The following KCNMA1 variants were observed in gnomAD, a reference collection of about 807,000 sequenced individuals.
KCNMA1 encodes the protein potassium calcium-activated channel subfamily M alpha 1, also known as Calcium-activated potassium channel subunit alpha-1.
In KCNMA1, 29 loss-of-function variants were observed where a neutral mutation model predicts 140.0. That is an observed-to-expected ratio of 0.21 (90% CI 0.15 to 0.28). The LOEUF (loss-of-function observed/expected upper bound fraction) is 0.28, where lower values mean the gene tolerates loss of function less well. Ranked by LOEUF, KCNMA1 falls within the 10% of genes least tolerant of loss-of-function variation. The probability of loss-of-function intolerance (pLI) is 1.00; values close to 1 mark genes in which losing one functional copy is unlikely to be tolerated. For synonymous variants in KCNMA1, 612 were observed against 611.9 expected (o/e 1.00, Z 0.00); for missense variants, 880 against 1,602.2 (o/e 0.55, Z 7.70).
At chr10:77,172,349 T>G (rs1015712148) in intron 5 of KCNMA1, among the ~76,000 whole-genome samples, 22 of 152,140 alleles carry the variant, frequency 1.4e-4, no homozygotes, top group Admixed American at 1.0e-3. Context: ...CAATTTGGCA[T>G]ATAACAGAGC....
In KCNMA1 at chr10:76,969,969, C is replaced by T. The variant is rs773209823; in HGVS notation, c.2360+5G>A. 6.2e-7 allele frequency: 1 copy of T among 1,611,214 alleles called. No homozygotes were observed. Among genetic ancestry groups the T allele is most frequent in the Non-Finnish European group, 8.5e-7 (1 of 1,177,506 alleles). On this transcript the variant is annotated splice_donor_5th_base_variant and intron_variant, in intron 20 of 27. Coordinates refer to ENST00000286628, the MANE Select transcript of KCNMA1 (RefSeq NM_001161352.2). ...AAACCGTGGGCAACCAGCCCCTCTC[C>T]TTACCTCATCAGCTTAGGCGAGGTG...
At chr10:77,491,725 ACACACACACACAC>A in intron 1 of KCNMA1, among the ~76,000 whole-genome samples, 1 of 121,282 alleles carries the variant, frequency 8.2e-6, no homozygotes, top group African/African-American at 3.6e-5. Context: ...ACACACACAC[ACACACACACACAC>A]ACACACACAC....
At chr10:77,601,696 T>G (rs367631328) in intron 1 of KCNMA1, among the ~76,000 whole-genome samples, 14 of 152,258 alleles carry the variant, frequency 9.2e-5, no homozygotes, top group Middle Eastern at 3.4e-3. Flanking sequence ...CTGAGGTCAT[T>G]ACCATGGTGT....
At chr10:77,360,350 G>A (rs772427274) in intron 2 of KCNMA1, among the ~76,000 whole-genome samples, 21 of 152,220 alleles carry the variant, frequency 1.4e-4, no homozygotes, top group Non-Finnish European at 2.2e-4. Flanking sequence ...GTCATCACAG[G>A]CAGGGATGAC....
chr10:76,958,448 G>A (rs1033444057), intron 20 of KCNMA1, among the ~76,000 whole-genome samples: 1 of 152,210 alleles, frequency 6.6e-6, no homozygotes, highest in Non-Finnish European at 1.5e-5. Context: ...ACTCTATGAT[G>A]TGAGATATAT....
At chr10:77,341,657 A>G (rs1482026233) in intron 2 of KCNMA1, among the ~76,000 whole-genome samples, 1 of 152,200 alleles carries the variant, frequency 6.6e-6, no homozygotes, top group Non-Finnish European at 1.5e-5. Context: ...GTCTCCTGCC[A>G]GGAAAAGTTG....
At chr10:76,932,798 C>T (rs181567706) in intron 23 of KCNMA1, among the ~76,000 whole-genome samples, 4 of 152,308 alleles carry the variant, frequency 2.6e-5, no homozygotes, top group Non-Finnish European at 4.4e-5. Context: ...TTCCAAGTTC[C>T]TCCTGCTCCA....
chr10:77,357,561 A>T (rs889210376), intron 2 of KCNMA1, among the ~76,000 whole-genome samples: 4 of 152,238 alleles, frequency 2.6e-5, no homozygotes, highest in African/African-American at 9.6e-5. Flanking sequence ...ATAAAGAACA[A>T]TTTTTAAAGC....
intron 2 of KCNMA1, among the ~76,000 whole-genome samples, chr10:77,392,805 C>T (rs772310341): frequency 3.9e-5 from 6 of 152,206 alleles, no homozygotes; most frequent in Non-Finnish European, 5.9e-5. Flanking sequence ...AAACCCACCT[C>T]CCCAAATACT....
In KCNMA1 at chr10:77,324,969, C is replaced by CTG. The variant is rs1210515124; in HGVS notation, c.541-73714_541-73713insCA. On this transcript the variant is annotated intron_variant, in intron 2 of 27. Transcript: ENST00000286628. ...TCTCTCTCTCTCTCTCTCTCTCTCT[C>CTG]TCTGTGTGTGTGTGTGTGTGTGTGT... Among the ~76,000 whole-genome samples the CTG allele has an allele frequency of 7.8e-3, 737 of 95,064 alleles. 7 individuals are homozygous for CTG. The highest frequency in any genetic ancestry group is 0.055 in the East Asian group (202 of 3,676). The allele number at this position is 95,064 out of a possible 152,430, so 62.4% of individuals were successfully genotyped here.
chr10:76,981,237 C>T (rs774864176), intron 19 of KCNMA1, among the ~76,000 whole-genome samples: 1 of 152,190 alleles, frequency 6.6e-6, no homozygotes, highest in Non-Finnish European at 1.5e-5. Context: ...CCACCCCCAC[C>T]TGACCCCTAG....
intron 1 of KCNMA1, among the ~76,000 whole-genome samples, chr10:77,579,342 C>T (rs1264780775): frequency 2.0e-5 from 3 of 152,226 alleles, no homozygotes; most frequent in Admixed American, 6.5e-5. Context: ...TTTTATCCTA[C>T]AGCTCAGGTG....
Position 77,584,297 on chromosome 10 carries a change from G to A in KCNMA1, c.378+52968C>T, listed in dbSNP as rs117822026. Reference sequence around the variant, plus strand: ...ATCCAACATATACGTAAGACTTGTGGGAAGCCCTTATTTGTCTTTATAGCC... The same window carrying A: ...ATCCAACATATACGTAAGACTTGTGAGAAGCCCTTATTTGTCTTTATAGCC... On this transcript the variant is annotated intron_variant, in intron 1 of 27. Transcript: ENST00000286628. Among the ~76,000 whole-genome samples, 29 of 152,264 alleles carry A rather than the reference G, an allele frequency of 1.9e-4. 1 individual carries two copies. In the East Asian group the frequency reaches 4.8e-3, roughly 25 times the overall value.
intron 1 of KCNMA1, among the ~76,000 whole-genome samples, chr10:77,529,284 C>A (rs1443686530): frequency 6.6e-6 from 1 of 151,804 alleles, no homozygotes; most frequent in African/African-American, 2.4e-5. Context: ...CACCTCTGGG[C>A]CTTTCCTGTG....
Position 77,183,536 on chromosome 10 carries a change from G to A in KCNMA1, c.697-4C>T, listed in dbSNP as rs200844223. On this transcript the variant is annotated splice_region_variant and splice_polypyrimidine_tract_variant and intron_variant, in intron 4 of 27. Coordinates refer to ENST00000286628, the MANE Select transcript of KCNMA1 (RefSeq NM_001161352.2). ...ATTTATCGTTGGCTGCAATAAACTG[G>A]GGGAAAGAAGAAATAAGAAAGAGAA... 3.2e-6 allele frequency: 5 copies of A among 1,586,328 alleles called. No homozygotes were observed. In the African/African-American group the frequency reaches 6.7e-5, roughly 21 times the overall value.
chr10:77,501,836 G>A (rs74640125), intron 1 of KCNMA1, among the ~76,000 whole-genome samples: 4,453 of 152,314 alleles, frequency 0.029, 138 homozygotes, highest in African/African-American at 0.078. Context: ...GAGCAGACCA[G>A]GGTCAGGTGT....
chr10:76,938,572 A>C (rs1045032249), intron 23 of KCNMA1, among the ~76,000 whole-genome samples: 3 of 152,198 alleles, frequency 2.0e-5, no homozygotes, highest in Non-Finnish European at 4.4e-5. Flanking sequence ...GTCCAATCCC[A>C]TCACTCTCTT....
At chr10:77,447,563 G>A (rs773429961) in intron 1 of KCNMA1, among the ~76,000 whole-genome samples, 5 of 152,224 alleles carry the variant, frequency 3.3e-5, no homozygotes, top group African/African-American at 9.6e-5. Flanking sequence ...TGATCAGGTA[G>A]ACCAAATGAC....
At chr10:77,269,084 G>A (rs1044045508) in intron 2 of KCNMA1, among the ~76,000 whole-genome samples, 5 of 152,170 alleles carry the variant, frequency 3.3e-5, no homozygotes, top group African/African-American at 1.2e-4. Flanking sequence ...GGCTCAAGGA[G>A]TTGGTGGTCA....
Sources: gnomAD v4.1 joint callset for allele counts (sites outside exome capture counted in the v4.1 genomes callset) on GRCh38, gnomAD v4.1.1 for gene constraint, MANE v1.5 for transcripts, NCBI Gene and HGNC (gene_info 2026-07-23, HGNC 2026-07-21) for gene names.